TBC1D9: variants seen among roughly 807,000 people sequenced by gnomAD.
TBC1D9 encodes the protein TBC1 domain family member 9A.
A neutral mutation model predicts 132.0 loss-of-function variants in TBC1D9; 63 were observed. That is an observed-to-expected ratio of 0.48 (90% CI 0.39 to 0.59). The LOEUF (loss-of-function observed/expected upper bound fraction) is 0.59, where lower values mean the gene tolerates loss of function less well. TBC1D9 is among the 20% of genes least tolerant of loss of function. The probability of loss-of-function intolerance (pLI) is 0.00; values close to 1 mark genes in which losing one functional copy is unlikely to be tolerated. For missense variants in TBC1D9, 1,261 were observed against 1,592.7 expected, an observed-to-expected ratio of 0.79 and a Z score of 3.54; for synonymous variants, 610 against 609.9, an observed-to-expected ratio of 1.00 and a Z score of 0.00.
Position 140,639,412 on chromosome 4 carries a change from C to T in TBC1D9, c.2354G>A (p.Arg785Gln), listed in dbSNP as rs368140121. ...RTSYEKFGTIRADLIEQMRFK... is the reference protein window; with the variant it reads ...RTSYEKFGTIQADLIEQMRFK... ...TCTCATCTGTTCAATCAAATCTGCCCGGATAGTTCCGAATTTCTGTAAAGG... is the reference window on the plus strand; with the variant it reads ...TCTCATCTGTTCAATCAAATCTGCCTGGATAGTTCCGAATTTCTGTAAAGG... The change falls in exon 14 of 21, where the codon CGG (arginine) becomes CAG (glutamine). Residue 785 changes from arginine to glutamine, a missense_variant. Physicochemically the swap from Arg to Gln is conservative, Grantham distance 43. Transcript: ENST00000442267. 55 of 1,610,478 alleles carry T rather than the reference C, an allele frequency of 3.4e-5. No individual in the cohort carries two copies. The highest frequency in any genetic ancestry group is 1.6e-4 in the East Asian group (7 of 44,838).
intron 11 of TBC1D9, 87 bp from the exon 12 acceptor site, chr4:140,657,899 C>T: frequency 7.0e-7 from 1 of 1,428,110 alleles, no homozygotes; most frequent in Non-Finnish European, 9.6e-7. Flanking sequence ...TGACTGCTAG[C>T]ACAGGACTCT....
rs951168185 is a variant in TBC1D9, at chr4:140,668,900, C to T, written c.1588+17G>A. ...CCACAGACTTTGACGCCAGCATTCC[C>T]AGCCCAGCGGCCGTACCTGACAGCA... On this transcript the variant is annotated intron_variant, in intron 9 of 20. Transcript: ENST00000442267. The T allele has an allele frequency of 1.2e-6, 2 of 1,612,578 alleles. No individual in the cohort carries two copies. The highest frequency in any genetic ancestry group is 2.7e-5 in the African/African-American group (2 of 74,926).
intron 9 of TBC1D9, among the ~76,000 whole-genome samples, chr4:140,666,852 A>G (rs1410142868): frequency 6.6e-6 from 1 of 152,188 alleles, no homozygotes; most frequent in African/African-American, 2.4e-5. Context: ...AACACTCAAC[A>G]TTTCATAATT....
intron 2 of TBC1D9, among the ~76,000 whole-genome samples, chr4:140,696,781 G>A (rs1459860554): frequency 6.6e-6 from 1 of 152,110 alleles, no homozygotes; most frequent in Non-Finnish European, 1.5e-5. Context: ...ACAAGATCAA[G>A]GTTTATAGAA....
At chr4:140,652,710 G>A (rs753272455) in intron 13 of TBC1D9, among the ~76,000 whole-genome samples, 5 of 152,222 alleles carry the variant, frequency 3.3e-5, no homozygotes, top group Admixed American at 6.5e-5. Context: ...TGGCAGAGCT[G>A]TCTACAAGGC....
At chr4:140,730,332 C>G (rs1738568963) in intron 1 of TBC1D9, among the ~76,000 whole-genome samples, 1 of 152,216 alleles carries the variant, frequency 6.6e-6, no homozygotes, top group Non-Finnish European at 1.5e-5. Flanking sequence ...CTCTGCCTTA[C>G]ATTGTTGGTA....
intron 7 of TBC1D9, 52 bp from the exon 8 acceptor site, chr4:140,669,856 T>C: frequency 6.5e-7 from 1 of 1,541,200 alleles, no homozygotes. Flanking sequence ...CAATAGAACC[T>C]ACTTCTTCAG....
chr4:140,642,500 C>T lies in TBC1D9; in HGVS notation c.2338-3072G>A, dbSNP rs1332386681. The stretch of plus-strand genomic sequence containing the variant: ...GTTTTTGATTTCCCCCCAGCACTGT[C>T]TGAAAACTTGAAGGGTGACTTCAAC... On this transcript the variant is annotated intron_variant, in intron 13 of 20. Coordinates refer to ENST00000442267, the MANE Select transcript of TBC1D9 (RefSeq NM_015130.3). 7 of 1,137,368 alleles carry T rather than the reference C, an allele frequency of 6.2e-6. No individual in the cohort carries two copies. In the East Asian group the frequency reaches 1.7e-4, roughly 27 times the overall value. The allele number at this position is 1,137,368 out of a possible 1,614,324, so 70.5% of individuals were successfully genotyped here. A position where few individuals can be genotyped will look rare whatever the true frequency, so the allele number is the denominator to read the frequency against.
intron 1 of TBC1D9, among the ~76,000 whole-genome samples, chr4:140,715,183 G>T (rs1030108298): frequency 1.3e-5 from 2 of 152,182 alleles, no homozygotes; most frequent in African/African-American, 4.8e-5. Flanking sequence ...TAAGATCTCT[G>T]TTTTAATATT....
chr4:140,674,400 A>G (rs1737589754), intron 6 of TBC1D9, among the ~76,000 whole-genome samples: 1 of 152,194 alleles, frequency 6.6e-6, no homozygotes, highest in Non-Finnish European at 1.5e-5. Flanking sequence ...TTTGCTATTT[A>G]TAACTTAAAG....
intron 13 of TBC1D9, among the ~76,000 whole-genome samples, chr4:140,653,161 T>C (rs1396335386): frequency 1.4e-5 from 2 of 147,900 alleles, no homozygotes; most frequent in African/African-American, 5.3e-5. Context: ...GAACTTATAA[T>C]GAGTGAGATT....
chr4:140,674,001 G>A (rs752118429), intron 6 of TBC1D9, among the ~76,000 whole-genome samples: 11 of 152,202 alleles, frequency 7.2e-5, no homozygotes, highest in African/African-American at 9.6e-5. Flanking sequence ...TAAACTGAGA[G>A]TGATGATTCA....
At chr4:140,698,019 C>T (rs539587095) in intron 2 of TBC1D9, among the ~76,000 whole-genome samples, 24 of 152,254 alleles carry the variant, frequency 1.6e-4, no homozygotes, top group Admixed American at 1.0e-3. Context: ...CTTTTCACAC[C>T]GTCATGAGGT....
chr4:140,663,028 C>T (rs79771121), intron 9 of TBC1D9, among the ~76,000 whole-genome samples: 8,197 of 152,110 alleles, frequency 0.054, 738 homozygotes, highest in African/African-American at 0.18. Flanking sequence ...ACCAATAGCA[C>T]GGGCAGCAAA....
intron 9 of TBC1D9, among the ~76,000 whole-genome samples, chr4:140,668,476 G>C (rs573937356): frequency 6.6e-6 from 1 of 152,250 alleles, no homozygotes; most frequent in Non-Finnish European, 1.5e-5. Flanking sequence ...TCAAACACCT[G>C]GGCCTTTTTA....
chr4:140,654,746 A>G (rs1430820111), intron 13 of TBC1D9, among the ~76,000 whole-genome samples: 3 of 152,180 alleles, frequency 2.0e-5, no homozygotes, highest in Non-Finnish European at 4.4e-5. Flanking sequence ...AATAGTGGAA[A>G]CATAAATTGA....
At chr4:140,666,629 C>T (rs760004227) in intron 9 of TBC1D9, among the ~76,000 whole-genome samples, 13 of 152,096 alleles carry the variant, frequency 8.5e-5, no homozygotes, top group Non-Finnish European at 1.8e-4. Flanking sequence ...TGAGCCACCG[C>T]GCCCAGCCTA....
At chr4:140,724,521 T>A (rs908185056) in intron 1 of TBC1D9, among the ~76,000 whole-genome samples, 1 of 151,750 alleles carries the variant, frequency 6.6e-6, no homozygotes, top group Non-Finnish European at 1.5e-5. Flanking sequence ...AATTTTAGAG[T>A]GGTGAAGGCT....
chr4:140,657,070 C>A, intron 13 of TBC1D9, 27 bp downstream of exon 13: 1 of 1,610,996 alleles, frequency 6.2e-7, no homozygotes, highest in East Asian at 2.2e-5. Flanking sequence ...ATGGTTAAGC[C>A]CTGCTCAGCC....
Sources: gnomAD v4.1 joint callset for allele counts (sites outside exome capture counted in the v4.1 genomes callset) on GRCh38, gnomAD v4.1.1 for gene constraint, MANE v1.5 for transcripts, NCBI Gene and HGNC (gene_info 2026-07-23, HGNC 2026-07-21) for gene names.